CDK5RAP3: variants seen among roughly 807,000 people sequenced by gnomAD.
CDK5RAP3 encodes the protein CDK5 regulatory subunit associated protein 3.
CDK5RAP3 carries 58 observed loss-of-function variants against 73.3 expected under a neutral mutation model. The observed-to-expected ratio is 0.79, with a 90% CI of 0.64 to 0.98. The LOEUF is 0.98. Ranked by LOEUF, CDK5RAP3 falls within the 50% of genes least tolerant of loss-of-function variation. The probability of loss-of-function intolerance (pLI) is 0.00; values close to 1 mark genes in which losing one functional copy is unlikely to be tolerated. For missense variants in CDK5RAP3, 525 were observed against 615.8 expected (o/e 0.85, Z 1.56); for synonymous variants, 224 against 247.5 (o/e 0.91, Z 0.89).
chr17:47,973,129 A>G (rs1043510896), intron 2 of CDK5RAP3, among the ~76,000 whole-genome samples: 3 of 152,316 alleles, frequency 2.0e-5, no homozygotes, highest in South Asian at 2.1e-4. Flanking sequence ...TTCCATTGTC[A>G]TGGTTAACCC....
chr17:47,970,878 C>G (rs1013507619), upstream of CDK5RAP3: 26 of 1,420,662 alleles, frequency 1.8e-5, no homozygotes, highest in Admixed American at 2.4e-5. Flanking sequence ...CAGCGCACCC[C>G]CTCCCGTCCC....
intron 10 of CDK5RAP3, 156 bp from the exon 11 acceptor site, chr17:47,978,673 C>T: frequency 1.6e-6 from 1 of 613,826 alleles, no homozygotes. Flanking sequence ...GCTGAGACAC[C>T]TGGGACAAGG....
chr17:47,973,863 C>A, intron 3 of CDK5RAP3, 68 bp from the exon 4 acceptor site: 1 of 1,314,638 alleles, frequency 7.6e-7, no homozygotes. Context: ...ATGAATCAGC[C>A]ACCTGCAGTG....
Position 47,975,301 on chromosome 17 carries a change from G to A in CDK5RAP3, c.477G>A (p.Glu159=), listed in dbSNP as rs1467804156. Residue 159 remains glutamate, a synonymous_variant, in exon 6 of 14, where the codon GAG becomes GAA. Coordinates refer to ENST00000338399, the MANE Select transcript of CDK5RAP3 (RefSeq NM_176096.3). The part of the protein sequence containing the change: ...ECQAGAAEMR[E]QFYHSCKQYG... ...AGGCAGGGGCTGCCGAGATGCGGGA[G>A]CAGTTCTACCACTCCTGCAAGCAGT... The A allele has an allele frequency of 2.2e-5, 36 of 1,614,078 alleles. No individual in the cohort carries two copies. Among genetic ancestry groups the A allele is most frequent in the Non-Finnish European group, 2.8e-5 (33 of 1,180,048 alleles).
In CDK5RAP3 at chr17:47,980,733, G is replaced by C; in HGVS notation, c.1218G>C (p.Glu406Asp). The change falls in exon 12 of 14, where the codon GAG becomes GAC. Residue 406 changes from glutamate to aspartate, a missense_variant. Coordinates refer to ENST00000338399, the MANE Select transcript of CDK5RAP3 (RefSeq NM_176096.3). ...TGGTTACCATGGTGTCAGTGCTGGA[G>C]GATCTGATTGGCAAGCTTACCAGTC... is the stretch of plus-strand genomic sequence containing the variant. ...EKMVTMVSVL[E>D]DLIGKLTSLQ... The C allele has an allele frequency of 6.2e-7, 1 of 1,614,202 alleles. No homozygotes were observed. Among genetic ancestry groups the C allele is most frequent in the South Asian group, 1.1e-5 (1 of 91,082 alleles).
intron 7 of CDK5RAP3, 62 bp downstream of exon 7, chr17:47,975,715 C>A: frequency 6.4e-7 from 1 of 1,566,848 alleles, no homozygotes. Flanking sequence ...GCTCATGACC[C>A]TTCTCCAGTT....
At position 47,976,820 on chromosome 17, in the gene CDK5RAP3, A is replaced by G. The variant is rs2036428084; in HGVS notation, c.907A>G (p.Lys303Glu). 6.3e-7 allele frequency: 1 copy of G among 1,597,268 alleles called. No individual in the cohort carries two copies. The highest frequency in any genetic ancestry group is 1.1e-5 in the South Asian group (1 of 89,526). Residue 303 changes from lysine (K) to glutamate (E), a missense_variant and splice_region_variant, in exon 9 of 14, where the codon AAG becomes GAG. Coordinates refer to ENST00000338399, the MANE Select transcript of CDK5RAP3 (RefSeq NM_176096.3). ...DWGIFPESDS[K>E]DPGGDGIDWG... is the part of the protein sequence containing the mutation. ...GGGCATCTTCCCGGAATCAGATTCA[A>G]AGGTGAGGAGGCCTTCTCAGTCTGT...
At chr17:47,978,792 T>C in intron 10 of CDK5RAP3, 37 bp from the exon 11 acceptor site, 1 of 1,532,804 alleles carries the variant, frequency 6.5e-7, no homozygotes, top group South Asian at 1.1e-5. Context: ...TCTCCAGTCC[T>C]CTGATCCTTT....
At chr17:47,969,783 C>A (rs909202324), upstream of CDK5RAP3, among the ~76,000 whole-genome samples, 1 of 152,048 alleles carries the variant, frequency 6.6e-6, no homozygotes, top group Non-Finnish European at 1.5e-5. Context: ...AAATTATAGA[C>A]CCAAGTGCCT....
At chr17:47,971,205 G>A in intron 1 of CDK5RAP3, 53 bp downstream of exon 1, 1 of 1,530,068 alleles carries the variant, frequency 6.5e-7, no homozygotes, top group Non-Finnish European at 8.8e-7. Flanking sequence ...CCCCTAACCT[G>A]TGTCTCCGGT....
chr17:47,973,685 T>C (rs763759483), intron 3 of CDK5RAP3, 35 bp downstream of exon 3: 15 of 1,610,766 alleles, frequency 9.3e-6, no homozygotes, highest in Non-Finnish European at 1.2e-5. Flanking sequence ...GAGTCCCCTC[T>C]TTGCTGAGGT....
chr17:47,978,068 G>GT (rs2036459249), intron 10 of CDK5RAP3, 158 bp downstream of exon 10: 4 of 377,590 alleles, frequency 1.1e-5, no homozygotes, highest in South Asian at 6.5e-5. Context: ...GACCAAGAGA[G>GT]GTTTTTTTTT....
At chr17:47,975,783 C>A in intron 7 of CDK5RAP3, 86 bp from the exon 8 acceptor site, 1 of 1,584,276 alleles carries the variant, frequency 6.3e-7, no homozygotes, top group Admixed American at 1.7e-5. Context: ...GGGGGCCTTG[C>A]CCATTTGACC....
rs267604928 is a variant in CDK5RAP3 at position 47,981,288 on chromosome 17, C to T, written c.1409C>T (p.Pro470Leu). The change falls in exon 13 of 14, where the codon CCT (proline) becomes CTT (leucine). Residue 470 changes from proline (P) to leucine (L), a missense_variant. By Grantham distance (98) the Pro-to-Leu change is moderately conservative. Around this residue, in one of 2 missense-constraint regions of CDK5RAP3, gnomAD observed 116 missense variants for 186.1 expected, o/e 0.62. Transcript: ENST00000338399. ...EALEEQAALE[P>L]KLDLLLEKTK... is the part of the protein sequence containing the mutation. ...CTTGAGGAGCAGGCGGCTCTGGAGC[C>T]TAAGCTGGACCTGCTACTGGAGAAG... The T allele has an allele frequency of 6.2e-7, 1 of 1,614,224 alleles. No individual in the cohort carries two copies. The highest frequency in any genetic ancestry group is 1.1e-5 in the South Asian group (1 of 91,092).
Position 47,977,926 on chromosome 17 carries a change from C to T in CDK5RAP3, c.988+16C>T. 1.2e-6 allele frequency: 2 copies of T among 1,611,092 alleles called. No individual in the cohort carries two copies. On this transcript the variant is annotated intron_variant, in intron 10 of 13. Transcript: ENST00000338399. ...GGAACCCAGGGTAAGTGCACCATCC[C>T]CTGCAGCCCTGGCAAAAGTGGGGTG...
rs2036557942 is a variant in CDK5RAP3, at chr17:47,981,568, T to C, written c.*66T>C. Reference sequence around the variant, plus strand: ...GGATGAAGATGATAGCCAGGGCTGTTGTTTTGGGGCCCTTCAAGGCAAAAG... The same window carrying C: ...GGATGAAGATGATAGCCAGGGCTGTCGTTTTGGGGCCCTTCAAGGCAAAAG... On this transcript the variant is annotated 3_prime_UTR_variant, in exon 14 of 14. Transcript: ENST00000338399. 1.2e-6 allele frequency: 2 copies of C among 1,613,666 alleles called. No homozygotes were observed. The highest frequency in any genetic ancestry group is 2.2e-5 in the South Asian group (2 of 91,028).
upstream of CDK5RAP3, chr17:47,970,494 C>T: frequency 1.5e-6 from 1 of 648,666 alleles, no homozygotes; most frequent in South Asian, 1.8e-5. Context: ...AACTCCTCTT[C>T]CCACATCACC....
intron 3 of CDK5RAP3, 134 bp from the exon 4 acceptor site, chr17:47,973,797 C>T: frequency 8.1e-7 from 1 of 1,241,910 alleles, no homozygotes; most frequent in East Asian, 2.3e-5. Context: ...GCTTCTTCCA[C>T]TATGAAATGA....
Position 47,973,381 on chromosome 17 carries a change from C to T in CDK5RAP3, c.53-138C>T, listed in dbSNP as rs1005089864. 1.1e-5 allele frequency: 10 copies of T among 922,404 alleles called. No individual in the cohort carries two copies. In the Admixed American group the frequency reaches 2.5e-4, roughly 23 times the overall value. The allele number at this position is 922,404 out of a possible 1,614,324, so 57.1% of individuals were successfully genotyped here. A position where few individuals can be genotyped will look rare whatever the true frequency, so the allele number is the denominator to read the frequency against. ...GCATCTCTTTGGGCTTGTCTTTATTCCCATCTTCCCATGACCCCCATACTT... is the reference window on the plus strand; with the variant it reads ...GCATCTCTTTGGGCTTGTCTTTATTTCCATCTTCCCATGACCCCCATACTT... On this transcript the variant is annotated intron_variant, in intron 2 of 13. Coordinates refer to ENST00000338399, the MANE Select transcript of CDK5RAP3 (RefSeq NM_176096.3).
Sources: gnomAD v4.1 joint callset for allele counts (sites outside exome capture counted in the v4.1 genomes callset) on GRCh38, gnomAD v4.1.1 for gene constraint, gnomAD v4.1.1 regional missense constraint, MANE v1.5 for transcripts, NCBI Gene and HGNC (gene_info 2026-07-23, HGNC 2026-07-21) for gene names.